The following SHISA9 variants were observed in gnomAD, a reference collection of about 807,000 sequenced individuals.
SHISA9 encodes shisa family member 9.
A neutral mutation model predicts 38.0 loss-of-function variants in SHISA9; 13 were observed. The observed-to-expected ratio is 0.34, with a 90% CI of 0.22 to 0.54. The LOEUF (loss-of-function observed/expected upper bound fraction) is 0.54. SHISA9 is among the 20% of genes least tolerant of loss of function. SHISA9 has a pLI of 0.91. For missense variants in SHISA9, 538 were observed against 575.8 expected (o/e 0.93, Z 0.67); for synonymous variants, 275 against 242.0 (o/e 1.14, Z -1.27).
At chr16:13,241,246 G>A (rs557039276), downstream of SHISA9, among the ~76,000 whole-genome samples, 2 of 152,308 alleles carry the variant, frequency 1.3e-5, no homozygotes, top group Admixed American at 6.5e-5. Flanking sequence ...CGGGCACGGT[G>A]GCTCATGTCT....
At chr16:13,265,133 C>A in the SHISA9 span, among the ~76,000 whole-genome samples, 2 of 110,736 alleles carry the variant, frequency 1.8e-5, no homozygotes, top group Non-Finnish European at 3.8e-5. Context: ...TTCCCCTCCC[C>A]TTCCCTTCCC....
the SHISA9 span, among the ~76,000 whole-genome samples, chr16:13,274,095 T>A: frequency 6.6e-6 from 1 of 152,222 alleles, no homozygotes; most frequent in South Asian, 2.1e-4. Flanking sequence ...CAAGTATCCA[T>A]AACACATGCC....
chr16:13,361,794 T>C, the SHISA9 span, among the ~76,000 whole-genome samples: 1 of 152,244 alleles, frequency 6.6e-6, no homozygotes, highest in African/African-American at 2.4e-5. Flanking sequence ...TCCATGATGA[T>C]GTGTTGTCTG....
the SHISA9 span, among the ~76,000 whole-genome samples, chr16:13,402,302 T>C: frequency 1.3e-5 from 2 of 152,088 alleles, no homozygotes; most frequent in African/African-American, 4.8e-5. Flanking sequence ...TAAATTTCCC[T>C]GTCTGAGACC....
intron 1 of SHISA9, 137 bp downstream of exon 1, chr16:12,902,764 G>A: frequency 1.1e-6 from 1 of 943,676 alleles, no homozygotes; most frequent in East Asian, 2.6e-5. Context: ...GATGTCACCG[G>A]GAAGCCAACT....
At chr16:13,287,714 T>C in the SHISA9 span, among the ~76,000 whole-genome samples, 1 of 152,102 alleles carries the variant, frequency 6.6e-6, no homozygotes, top group Admixed American at 6.6e-5. Context: ...GAGCATAGAC[T>C]GGATCACAAA....
intron 2 of SHISA9, among the ~76,000 whole-genome samples, chr16:12,948,240 G>A (rs66688919): frequency 0.2 from 30,752 of 152,106 alleles, 3,842 homozygotes; most frequent in Middle Eastern, 0.36. Context: ...TGGCAGAGCC[G>A]GGATTTGAAC....
intron 2 of SHISA9, among the ~76,000 whole-genome samples, chr16:13,135,817 G>T (rs1036432066): frequency 6.6e-6 from 1 of 152,128 alleles, no homozygotes; most frequent in Non-Finnish European, 1.5e-5. Flanking sequence ...AGTAATTAAG[G>T]CAATAGATTA....
intron 2 of SHISA9, among the ~76,000 whole-genome samples, chr16:13,199,466 A>G (rs1256184631): frequency 6.6e-6 from 1 of 152,236 alleles, no homozygotes; most frequent in African/African-American, 2.4e-5. Context: ...AGCTTCCCAG[A>G]GGAAATCCAG....
chr16:13,463,446 G>C, the SHISA9 span, among the ~76,000 whole-genome samples: 1 of 152,188 alleles, frequency 6.6e-6, no homozygotes, highest in Non-Finnish European at 1.5e-5. Context: ...GTTGTGGCTG[G>C]AGGGCTTCAC....
the SHISA9 span, among the ~76,000 whole-genome samples, chr16:13,348,033 T>C: frequency 3.3e-5 from 5 of 152,192 alleles, no homozygotes; most frequent in Admixed American, 1.3e-4. Flanking sequence ...AGGCTTGTGT[T>C]GAATTTCCAA....
rs566471142 is a variant in SHISA9, at chr16:13,235,683, G to C, written c.*274G>C. ...CACACTCTTTCCACTTCAGGCCCAA[G>C]ATGGCCAACTCACATGCCCAAACCG... On this transcript the variant is annotated 3_prime_UTR_variant, in exon 5 of 5. Transcript: ENST00000558583. 4.6e-6 allele frequency: 2 copies of C among 431,968 alleles called. No individual in the cohort carries two copies. Among genetic ancestry groups the C allele is most frequent in the East Asian group, 7.5e-5 (2 of 26,684 alleles). 26.8% of individuals were successfully genotyped at this position (431,968 alleles called of 1,614,324 possible). A position where few individuals can be genotyped will look rare whatever the true frequency, so the allele number is the denominator to read the frequency against.
the SHISA9 span, among the ~76,000 whole-genome samples, chr16:13,535,096 A>G: frequency 6.6e-6 from 1 of 152,036 alleles, no homozygotes; most frequent in Non-Finnish European, 1.5e-5. Context: ...AAATACAAAA[A>G]TTAGCTCAAT....
At chr16:13,357,765 T>C in the SHISA9 span, among the ~76,000 whole-genome samples, 2 of 141,958 alleles carry the variant, frequency 1.4e-5, no homozygotes, top group Admixed American at 1.4e-4. Context: ...CTCTGGCGGG[T>C]AGGAGTGGGG....
the SHISA9 span, among the ~76,000 whole-genome samples, chr16:13,402,737 GAAT>G: frequency 6.6e-6 from 1 of 152,054 alleles, no homozygotes; most frequent in Non-Finnish European, 1.5e-5. Flanking sequence ...ACGAACCCAG[GAAT>G]AATGTTTTAC....
the SHISA9 span, among the ~76,000 whole-genome samples, chr16:13,484,878 C>T: frequency 6.6e-6 from 1 of 152,174 alleles, no homozygotes; most frequent in Non-Finnish European, 1.5e-5. Flanking sequence ...ATGATCCAAT[C>T]ACCTCCCACC....
intron 2 of SHISA9, among the ~76,000 whole-genome samples, chr16:13,006,137 C>G (rs1171637706): frequency 6.6e-6 from 1 of 152,144 alleles, no homozygotes; most frequent in African/African-American, 2.4e-5. Context: ...ATCATCTGTG[C>G]AAAGAAGAGA....
chr16:13,356,829 C>A, the SHISA9 span, among the ~76,000 whole-genome samples: 19,640 of 152,110 alleles, frequency 0.13, 1,673 homozygotes, highest in Non-Finnish European at 0.19. Context: ...GCCTATTTTA[C>A]GACAAGAATT....
chr16:13,558,432 C>G, the SHISA9 span, among the ~76,000 whole-genome samples: 1 of 152,198 alleles, frequency 6.6e-6, no homozygotes, highest in East Asian at 1.9e-4. Flanking sequence ...TTAGCCAATC[C>G]TGAGCCATGG....
Sources: allele counts gnomAD v4.1 joint callset (sites outside exome capture counted in the v4.1 genomes callset), GRCh38; gene constraint gnomAD v4.1.1; transcripts MANE v1.5; gene names NCBI Gene and HGNC (gene_info 2026-07-23, HGNC 2026-07-21).